HEATR5B: variants seen among roughly 807,000 people sequenced by gnomAD.
The protein encoded by HEATR5B is HEAT repeat containing 5B, also known as HEAT repeat-containing protein 5B.
HEATR5B carries 156 observed loss-of-function variants against 224.1 expected under a neutral mutation model. That is an observed-to-expected ratio of 0.70 (90% CI 0.61 to 0.80). HEATR5B has a LOEUF of 0.80. HEATR5B is among the 30% of genes least tolerant of loss of function. The pLI is 0.00. For missense variants in HEATR5B, 2,323 were observed against 2,535.5 expected (o/e 0.92, Z 1.80); for synonymous variants, 1,027 against 893.0 (o/e 1.15, Z -2.68).
At chr2:37,059,446 GTATA>G (rs869310641) in intron 12 of HEATR5B, among the ~76,000 whole-genome samples, 1 of 42,312 alleles carries the variant, frequency 2.4e-5, no homozygotes, top group African/African-American at 8.0e-5. Flanking sequence ...GTGTGTGTGT[GTATA>G]TATATATATA....
At chr2:37,030,896 C>G (rs1669086286) in intron 22 of HEATR5B, among the ~76,000 whole-genome samples, 1 of 152,198 alleles carries the variant, frequency 6.6e-6, no homozygotes, top group Non-Finnish European at 1.5e-5. Flanking sequence ...AATTGGGTTT[C>G]TAGAGGTTTC....
At chr2:37,029,941 AAAT>A (rs1424507826) in intron 22 of HEATR5B, among the ~76,000 whole-genome samples, 2 of 103,284 alleles carry the variant, frequency 1.9e-5, no homozygotes, top group East Asian at 1.5e-3. Flanking sequence ...CTCAAAAAAT[AAAT>A]AAATAAATAA....
chr2:37,054,599 C>A (rs560204551), intron 16 of HEATR5B, among the ~76,000 whole-genome samples: 1 of 151,164 alleles, frequency 6.6e-6, no homozygotes, highest in Non-Finnish European at 1.5e-5. Flanking sequence ...ATTCTCCTGC[C>A]TCAGCCTCCC....
chr2:37,046,564 G>A (rs1670205855), intron 18 of HEATR5B, among the ~76,000 whole-genome samples: 1 of 151,254 alleles, frequency 6.6e-6, no homozygotes, highest in East Asian at 1.9e-4. Flanking sequence ...ACTTGAACCC[G>A]GCAGGTGGAG....
chr2:37,013,592 G>T (rs1007633793), intron 27 of HEATR5B, among the ~76,000 whole-genome samples: 4 of 152,072 alleles, frequency 2.6e-5, no homozygotes, highest in Non-Finnish European at 5.9e-5. Context: ...TCAAATAAAA[G>T]ATTTTTGGCA....
At chr2:36,997,908 T>C (rs1666837675) in intron 33 of HEATR5B, among the ~76,000 whole-genome samples, 1 of 152,250 alleles carries the variant, frequency 6.6e-6, no homozygotes, top group Non-Finnish European at 1.5e-5. Flanking sequence ...TATATTTTCT[T>C]TGTTTTCCTG....
intron 33 of HEATR5B, among the ~76,000 whole-genome samples, chr2:36,991,534 A>G (rs1355442317): frequency 6.6e-6 from 1 of 151,984 alleles, no homozygotes; most frequent in Admixed American, 6.6e-5. Context: ...TTTCCTGAAG[A>G]CAGTGTTCTA....
chr2:36,992,706 C>T (rs1011973654), intron 33 of HEATR5B, among the ~76,000 whole-genome samples: 1 of 152,088 alleles, frequency 6.6e-6, no homozygotes, highest in Non-Finnish European at 1.5e-5. Context: ...AATTTTTTAT[C>T]AAAAATTATT....
chr2:37,049,935 G>T, intron 17 of HEATR5B, 92 bp from the exon 18 acceptor site: 1 of 1,238,544 alleles, frequency 8.1e-7, no homozygotes, highest in Non-Finnish European at 1.1e-6. Flanking sequence ...CCCTTGCCCA[G>T]GCTGGAGTGC....
chr2:36,989,663 G>C (rs368786101), intron 34 of HEATR5B, among the ~76,000 whole-genome samples: 8 of 152,074 alleles, frequency 5.3e-5, no homozygotes, highest in African/African-American at 1.4e-4. Context: ...AAAGGCTTCA[G>C]ATTAACACTT....
chr2:37,057,350 A>T lies in HEATR5B; in HGVS notation c.2190T>A (p.Leu730=), dbSNP rs1670976553. ...CAATTGATTTATGATCAGTTTCCTG[A>T]AGCCAAGAACCAAGAAGAACACTAT... The part of the protein sequence containing the change: ...YDDSVLLGSW[L]QETDHKSIED... Residue 730 remains leucine (L), a synonymous_variant, in exon 15 of 36, where the codon CTT becomes CTA. Transcript: ENST00000233099. The T allele has an allele frequency of 6.2e-7, 1 of 1,607,466 alleles. No homozygotes were observed. Among genetic ancestry groups the T allele is most frequent in the Non-Finnish European group, 8.5e-7 (1 of 1,177,916 alleles).
intron 34 of HEATR5B, 132 bp downstream of exon 34, chr2:36,990,516 G>A: frequency 2.7e-6 from 2 of 734,290 alleles, no homozygotes; most frequent in South Asian, 5.0e-5. Context: ...ATTTGTTTCA[G>A]TTTTTCCATT....
Position 37,033,159 on chromosome 2 carries a change from A to G in HEATR5B, c.3217-386T>C, listed in dbSNP as rs1314501551. Among the ~76,000 whole-genome samples, 8 of 152,194 alleles carry G rather than the reference A, an allele frequency of 5.3e-5. No homozygotes were observed. In the East Asian group the frequency reaches 7.7e-4, roughly 15 times the overall value. On this transcript the variant is annotated intron_variant, in intron 21 of 35. Coordinates refer to ENST00000233099, the MANE Select transcript of HEATR5B (RefSeq NM_019024.3). ...CTCCCAAAGTGCTGGGATTACAGGCATGAGCCACCGTGCCCCGCCCTAATG... is the reference window on the plus strand; with the variant it reads ...CTCCCAAAGTGCTGGGATTACAGGCGTGAGCCACCGTGCCCCGCCCTAATG...
At chr2:36,992,295 A>AGGTG (rs1666383375) in intron 33 of HEATR5B, among the ~76,000 whole-genome samples, 1 of 151,754 alleles carries the variant, frequency 6.6e-6, no homozygotes, top group African/African-American at 2.4e-5. Flanking sequence ...AAACCTGAGA[A>AGGTG]CCCACCCAGA....
chr2:36,983,743 T>C (rs374732192), intron 35 of HEATR5B, among the ~76,000 whole-genome samples: 2 of 151,384 alleles, frequency 1.3e-5, no homozygotes, highest in African/African-American at 4.9e-5. Context: ...AAAAAGTTAA[T>C]AGTATTATAA....
intron 18 of HEATR5B, among the ~76,000 whole-genome samples, chr2:37,049,376 A>T (rs904175944): frequency 6.6e-6 from 1 of 152,206 alleles, no homozygotes; most frequent in African/African-American, 2.4e-5. Flanking sequence ...TACACATAAC[A>T]GAGAAGTCCT....
intron 20 of HEATR5B, 97 bp downstream of exon 20, chr2:37,040,232 T>C: frequency 3.0e-6 from 3 of 986,336 alleles, no homozygotes; most frequent in East Asian, 2.4e-5. Context: ...GTAATTGTTA[T>C]TACAAAATTT....
At chr2:37,073,984 G>T (rs1298004765) in intron 5 of HEATR5B, among the ~76,000 whole-genome samples, 1 of 152,164 alleles carries the variant, frequency 6.6e-6, no homozygotes, top group Non-Finnish European at 1.5e-5. Flanking sequence ...TTTCAACAAA[G>T]GGTGTAAACG....
intron 20 of HEATR5B, among the ~76,000 whole-genome samples, chr2:37,038,673 A>C (rs1347006179): frequency 2.0e-5 from 3 of 152,002 alleles, no homozygotes; most frequent in Non-Finnish European, 4.4e-5. Flanking sequence ...TATTTAAATC[A>C]CCTGTTTTTC....
Sources: allele counts gnomAD v4.1 joint callset (sites outside exome capture counted in the v4.1 genomes callset), GRCh38; gene constraint gnomAD v4.1.1; transcripts MANE v1.5; gene names NCBI Gene and HGNC (gene_info 2026-07-23, HGNC 2026-07-21).